The following RGS7 variants were observed in gnomAD, a reference collection of about 807,000 sequenced individuals.
The protein encoded by RGS7 is regulator of G protein signaling 7, also known as regulator of G-protein signaling 7.
A neutral mutation model predicts 81.1 loss-of-function variants in RGS7; 27 were observed. The ratio of observed to expected loss-of-function variants is 0.33; its 90% CI spans 0.25 to 0.46. The LOEUF (loss-of-function observed/expected upper bound fraction) is 0.46. RGS7 is among the 20% of genes least tolerant of loss of function. The pLI, the probability that RGS7 is intolerant of heterozygous loss-of-function variation, is 1.00. For synonymous variants in RGS7, 208 were observed against 207.7 expected (o/e 1.00, Z -0.01); for missense variants, 396 against 607.4 (o/e 0.65, Z 3.66).
chr1:241,328,348 A>G (rs2081744414), intron 2 of RGS7, among the ~76,000 whole-genome samples: 2 of 152,204 alleles, frequency 1.3e-5, no homozygotes, highest in Admixed American at 6.5e-5. Flanking sequence ...CATGCCTTAC[A>G]CTTTTGTGAT....
intron 6 of RGS7, among the ~76,000 whole-genome samples, chr1:240,924,495 T>C (rs542570369): frequency 6.6e-6 from 1 of 152,286 alleles, no homozygotes; most frequent in African/African-American, 2.4e-5. Flanking sequence ...GGGAGGTTCT[T>C]ATGTGGGGAA....
At chr1:240,834,596 C>T (rs1442628147) in intron 9 of RGS7, among the ~76,000 whole-genome samples, 1 of 152,096 alleles carries the variant, frequency 6.6e-6, no homozygotes, top group African/African-American at 2.4e-5. Flanking sequence ...CTGCAAGCTC[C>T]GCCTCCCGGG....
intron 6 of RGS7, among the ~76,000 whole-genome samples, chr1:240,888,670 AACTGC>A (rs1667773955): frequency 6.6e-6 from 1 of 152,180 alleles, no homozygotes; most frequent in Non-Finnish European, 1.5e-5. Context: ...ATCTTGTTTA[AACTGC>A]ACAGCCGCGC....
intron 2 of RGS7, among the ~76,000 whole-genome samples, chr1:241,109,958 C>G (rs1572729334): frequency 6.6e-6 from 1 of 151,592 alleles, no homozygotes; most frequent in Non-Finnish European, 1.5e-5. Context: ...AACTCCATCT[C>G]AAAAAAATAA....
At position 240,806,647 on chromosome 1, in the gene RGS7, G is replaced by A. The variant is rs142326674; in HGVS notation, c.1083-321C>T. Among the ~76,000 whole-genome samples the A allele has an allele frequency of 6.7e-4, 102 of 152,026 alleles. 1 individual carries two copies. Among genetic ancestry groups the A allele is most frequent in the East Asian group, 5.6e-3 (29 of 5,188 alleles). On this transcript the variant is annotated intron_variant, in intron 14 of 18. Transcript: ENST00000440928. ...TTTGTTGTTAAAAGCAGATCTGTCAGAGCCCCGTATAACACTGATTTTACC... is the reference window on the plus strand; with the variant it reads ...TTTGTTGTTAAAAGCAGATCTGTCAAAGCCCCGTATAACACTGATTTTACC...
chr1:241,355,635 A>AG, intron 2 of RGS7, 64 bp downstream of exon 2: 1 of 1,410,070 alleles, frequency 7.1e-7, no homozygotes, highest in Non-Finnish European at 1.0e-6. Flanking sequence ...TCTGATCTAG[A>AG]GGGGGAAAAA....
chr1:241,085,250 C>T (rs10926409), intron 3 of RGS7, among the ~76,000 whole-genome samples: 4,372 of 152,210 alleles, frequency 0.029, 203 homozygotes, highest in African/African-American at 0.1. Context: ...ATCAAGAACA[C>T]GAGAACATTT....
chr1:241,125,633 CA>C (rs199654294), intron 2 of RGS7, among the ~76,000 whole-genome samples: 1 of 150,294 alleles, frequency 6.7e-6, no homozygotes, highest in African/African-American at 2.5e-5. Context: ...GTTGCTAAAA[CA>C]AAAAAAACAC....
chr1:240,946,849 C>T (rs1383150982), intron 4 of RGS7, among the ~76,000 whole-genome samples: 1 of 152,058 alleles, frequency 6.6e-6, no homozygotes, highest in Non-Finnish European at 1.5e-5. Context: ...GTGTATATTT[C>T]AGGATAGCTA....
chr1:240,839,194 T>C (rs115436948), intron 9 of RGS7, among the ~76,000 whole-genome samples: 109 of 152,356 alleles, frequency 7.2e-4, no homozygotes, highest in Non-Finnish European at 1.3e-3. Flanking sequence ...CTGTCACTTT[T>C]TGCTGCTCTC....
chr1:240,888,875 A>T (rs73116081), intron 6 of RGS7, among the ~76,000 whole-genome samples: 4,054 of 152,182 alleles, frequency 0.027, 192 homozygotes, highest in African/African-American at 0.092. Flanking sequence ...AGGCAGAGAG[A>T]GGGAAGCAGC....
chr1:240,992,932 T>C (rs1005821269), intron 3 of RGS7, among the ~76,000 whole-genome samples: 1 of 151,724 alleles, frequency 6.6e-6, no homozygotes, highest in Non-Finnish European at 1.5e-5. Flanking sequence ...GGAGAATCAC[T>C]TGAACCCAGG....
chr1:241,197,285 C>T (rs1217112806), intron 2 of RGS7, among the ~76,000 whole-genome samples: 1 of 38,740 alleles, frequency 2.6e-5, no homozygotes, highest in African/African-American at 7.7e-5. Flanking sequence ...GACGGAGTCT[C>T]GCTCTGTCGC....
chr1:241,064,458 C>T (rs967956941), intron 3 of RGS7, among the ~76,000 whole-genome samples: 2 of 150,608 alleles, frequency 1.3e-5, no homozygotes, highest in Non-Finnish European at 3.0e-5. Flanking sequence ...CAGGCATGCT[C>T]ACACCTGCAG....
intron 2 of RGS7, among the ~76,000 whole-genome samples, chr1:241,149,036 C>A (rs914698185): frequency 9.9e-5 from 15 of 152,236 alleles, no homozygotes; most frequent in Admixed American, 7.2e-4. Flanking sequence ...TCCTATCTAG[C>A]ACAAATATCT....
At chr1:240,988,457 ACTTT>A (rs1015373169) in intron 3 of RGS7, among the ~76,000 whole-genome samples, 2 of 152,168 alleles carry the variant, frequency 1.3e-5, no homozygotes, top group African/African-American at 4.8e-5. Context: ...AACACTGCAG[ACTTT>A]CTGTTTGAGA....
chr1:241,150,680 G>A (rs999349366), intron 2 of RGS7, among the ~76,000 whole-genome samples: 1 of 152,200 alleles, frequency 6.6e-6, no homozygotes, highest in African/African-American at 2.4e-5. Flanking sequence ...CAAAGAGACT[G>A]AATCAATAGA....
intron 4 of RGS7, among the ~76,000 whole-genome samples, chr1:240,955,807 C>A (rs1205312369): frequency 2.0e-5 from 3 of 152,058 alleles, no homozygotes; most frequent in Admixed American, 6.5e-5. Flanking sequence ...ACAACACAAC[C>A]AATTGTTATG....
chr1:241,298,353 G>A (rs2079544166), intron 2 of RGS7, among the ~76,000 whole-genome samples: 1 of 152,232 alleles, frequency 6.6e-6, no homozygotes, highest in Non-Finnish European at 1.5e-5. Context: ...GTAGTAATCT[G>A]TGTGAAGACT....
Sources: gnomAD v4.1 joint callset for allele counts (sites outside exome capture counted in the v4.1 genomes callset) on GRCh38, gnomAD v4.1.1 for gene constraint, MANE v1.5 for transcripts, NCBI Gene and HGNC (gene_info 2026-07-23, HGNC 2026-07-21) for gene names.